The following CTSH variants were observed in gnomAD, a reference collection of about 807,000 sequenced individuals.
The protein encoded by CTSH is pro-cathepsin H.
A neutral mutation model predicts 56.3 loss-of-function variants in CTSH; 52 were observed. That is an observed-to-expected ratio of 0.92 (90% confidence interval 0.74 to 1.16). The LOEUF is 1.16. CTSH is among the 50% of genes most tolerant of loss of function. CTSH has a pLI of 0.00. For synonymous variants in CTSH, 174 were observed against 155.7 expected, an observed-to-expected ratio of 1.12 and a Z score of -0.88; for missense variants, 406 against 424.5, an observed-to-expected ratio of 0.96 and a Z score of 0.38.
intron 1 of CTSH, among the ~76,000 whole-genome samples, chr15:78,939,769 C>T (rs1219853797): frequency 6.6e-6 from 1 of 152,160 alleles, no homozygotes; most frequent in African/African-American, 2.4e-5. Context: ...TGCCTGTAAT[C>T]CCAGCTACTC....
At chr15:78,944,776 A>T (rs986714246) in intron 1 of CTSH, 115 bp downstream of exon 1, 2 of 1,380,534 alleles carry the variant, frequency 1.4e-6, no homozygotes, top group Non-Finnish European at 1.9e-6. Flanking sequence ...CTGGCCTCTC[A>T]CCGGGGAAAG....
chr15:78,935,690 G>C lies in CTSH; in HGVS notation c.290C>G (p.Ser97Ter). 2 of 1,610,600 alleles carry C rather than the reference G, an allele frequency of 1.2e-6. No homozygotes were observed. Among genetic ancestry groups the C allele is most frequent in the Non-Finnish European group, 1.7e-6 (2 of 1,177,066 alleles). The change falls in exon 4 of 12, where the codon TCA becomes TGA. Residue 97 changes from serine to a stop codon, truncating the protein, a stop_gained. Coordinates refer to ENST00000220166, the MANE Select transcript of CTSH (RefSeq NM_004390.5). LOFTEE classifies it high-confidence loss of function. ...ATGAATTATACCTACCTGAGGCTCT[G>C]ACCAGAGATACTTGTGTTTTATTTC... ...FAEIKHKYLW[S>*]EPQNCSATKS...
At position 78,925,650 on chromosome 15, in the gene CTSH, C is replaced by A. The variant is rs3825930; in HGVS notation, c.700-210G>T. On this transcript the variant is annotated intron_variant, in intron 9 of 11. Coordinates refer to ENST00000220166, the MANE Select transcript of CTSH (RefSeq NM_004390.5). ...TCTCCCCAACTCTGCTCCTAGGAAACCCTGCACCCTCTGAGATAGGGACCA... is the reference window on the plus strand; with the variant it reads ...TCTCCCCAACTCTGCTCCTAGGAAAACCTGCACCCTCTGAGATAGGGACCA... 3.9e-3 allele frequency: 1,966 copies of A among 499,838 alleles called. 37 individuals are homozygous for A. Among genetic ancestry groups the A allele is most frequent in the African/African-American group, 0.036 (1,861 of 51,466 alleles). 31.0% of individuals were successfully genotyped at this position (499,838 alleles called of 1,614,324 possible). A position where few individuals can be genotyped will look rare whatever the true frequency, so the allele number is the denominator to read the frequency against.
chr15:78,921,064 A>G lies in CTSH; in HGVS notation c.*1066T>C, dbSNP rs919380160. ...TGGTCTTATGTTACTAGAATTTTCT[A>G]ATAAATTAAACTATATTTGCATTAT... On this transcript the variant is annotated 3_prime_UTR_variant, in exon 12 of 12. Transcript: ENST00000220166. 6 of 152,174 alleles carry G rather than the reference A, an allele frequency of 3.9e-5. No individual in the cohort carries two copies. The highest frequency in any genetic ancestry group is 1.4e-4 in the African/African-American group (6 of 41,430). 9.4% of individuals were successfully genotyped at this position (152,174 alleles called of 1,614,324 possible). A position where few individuals can be genotyped will look rare whatever the true frequency, so the allele number is the denominator to read the frequency against.
At chr15:78,928,292 G>A (rs1177334624) in intron 8 of CTSH, among the ~76,000 whole-genome samples, 1 of 152,058 alleles carries the variant, frequency 6.6e-6, no homozygotes, top group African/African-American at 2.4e-5. Context: ...AGTTGGCCGG[G>A]CACGGTGGCT....
intron 2 of CTSH, 156 bp from the exon 3 acceptor site, chr15:78,937,579 T>C (rs1055356560): frequency 1.4e-5 from 20 of 1,387,948 alleles, no homozygotes; most frequent in Non-Finnish European, 1.8e-5. Context: ...GCTGAGAAAT[T>C]TGGGAAGTTA....
chr15:78,934,867 G>T, intron 5 of CTSH, 111 bp downstream of exon 5: 1 of 765,550 alleles, frequency 1.3e-6, no homozygotes, highest in Non-Finnish European at 2.4e-6. Flanking sequence ...AGGAAACAGA[G>T]GCAGGGATGT....
rs143414281 is a variant in CTSH at position 78,924,948 on chromosome 15, G to A, written c.806+386C>T. On this transcript the variant is annotated intron_variant, in intron 10 of 11. Coordinates refer to ENST00000220166, the MANE Select transcript of CTSH (RefSeq NM_004390.5). Reference sequence around the variant, plus strand: ...TGGCCTCAAGTGATCCACCTGCCTCGGCCTCCCAAAGTGCTGGGAGTACAG... The same window carrying A: ...TGGCCTCAAGTGATCCACCTGCCTCAGCCTCCCAAAGTGCTGGGAGTACAG... Among the ~76,000 whole-genome samples the A allele has an allele frequency of 2.3e-4, 34 of 150,812 alleles. No individual in the cohort carries two copies. In the East Asian group the frequency reaches 4.9e-3, roughly 22 times the overall value.
intron 1 of CTSH, among the ~76,000 whole-genome samples, chr15:78,944,129 G>A (rs2055346320): frequency 6.6e-6 from 1 of 152,332 alleles, no homozygotes; most frequent in African/African-American, 2.4e-5. Context: ...TCTCGGTGAA[G>A]GGGGCAGGTG....
At chr15:78,937,726 T>G (rs527606790) in intron 2 of CTSH, 2 of 1,352,490 alleles carry the variant, frequency 1.5e-6, no homozygotes, top group South Asian at 2.5e-5. Flanking sequence ...CTGCTGGTGC[T>G]GGGTCAAGTT....
chr15:78,927,809 A>G (rs1013448527), intron 8 of CTSH, 28 bp from the exon 9 acceptor site: 3 of 1,604,318 alleles, frequency 1.9e-6, no homozygotes, highest in Non-Finnish European at 2.6e-6. Context: ...GGCATGAAAT[A>G]CAGGTTATGG....
chr15:78,940,663 G>C (rs2055269393), intron 1 of CTSH, among the ~76,000 whole-genome samples: 1 of 152,128 alleles, frequency 6.6e-6, no homozygotes, highest in Non-Finnish European at 1.5e-5. Flanking sequence ...TTTTCTATAA[G>C]AGTCAGGTAT....
At chr15:78,932,287 G>A in intron 6 of CTSH, 85 bp downstream of exon 6, 1 of 1,256,352 alleles carries the variant, frequency 8.0e-7, no homozygotes, top group Non-Finnish European at 1.2e-6. Flanking sequence ...CTTAGCCAAT[G>A]CTCCAGGGAA....
chr15:78,939,937 T>G (rs1275218114), intron 1 of CTSH, among the ~76,000 whole-genome samples: 5 of 152,210 alleles, frequency 3.3e-5, no homozygotes, highest in South Asian at 2.1e-4. Flanking sequence ...AGCACTGTTT[T>G]TCCTTATGGG....
At chr15:78,941,656 C>T (rs943113830) in intron 1 of CTSH, among the ~76,000 whole-genome samples, 5 of 151,722 alleles carry the variant, frequency 3.3e-5, no homozygotes, top group Admixed American at 1.3e-4. Context: ...ATTAGCCGGG[C>T]GTGGTGGCGG....
In CTSH at chr15:78,923,112, G is replaced by GGAA; in HGVS notation, c.810_812dup (p.Ser271dup). 1 of 1,612,264 alleles carries GGAA rather than the reference G, an allele frequency of 6.2e-7. No individual in the cohort carries two copies. Among genetic ancestry groups the GGAA allele is most frequent in the East Asian group, 2.2e-5 (1 of 44,818 alleles). ...TTACTTTATCTGGAGTTTTATGGCAGGAAGTACTGGAAAACAAAATTCAAA... is the reference window on the plus strand; with the variant it reads ...TTACTTTATCTGGAGTTTTATGGCAGGAAGAAGTACTGGAAAACAAAATTCAAA... On this transcript the variant is annotated inframe_insertion, in exon 11 of 12. Coordinates refer to ENST00000220166, the MANE Select transcript of CTSH (RefSeq NM_004390.5).
chr15:78,928,050 A>G (rs1303348299), intron 8 of CTSH, among the ~76,000 whole-genome samples: 3 of 152,304 alleles, frequency 2.0e-5, no homozygotes, highest in East Asian at 3.9e-4. Context: ...AAACTCACTG[A>G]GAAGTGGAGG....
chr15:78,939,436 A>C (rs1290654200), intron 1 of CTSH, among the ~76,000 whole-genome samples: 1 of 152,210 alleles, frequency 6.6e-6, no homozygotes, highest in African/African-American at 2.4e-5. Context: ...GTCGGGGTGC[A>C]GAAAGCACTT....
At chr15:78,937,563 G>C (rs2055202907) in intron 2 of CTSH, 140 bp from the exon 3 acceptor site, 2 of 1,334,750 alleles carry the variant, frequency 1.5e-6, no homozygotes, top group East Asian at 2.6e-5. Flanking sequence ...TAATGGGCGG[G>C]GTACTGCTGA....
Sources: gnomAD v4.1 joint callset for allele counts (sites outside exome capture counted in the v4.1 genomes callset) on GRCh38, gnomAD v4.1.1 for gene constraint, MANE v1.5 for transcripts, NCBI Gene and HGNC (gene_info 2026-07-23, HGNC 2026-07-21) for gene names.